CDH12: variants seen among roughly 807,000 people sequenced by gnomAD.
The protein encoded by CDH12 is cadherin 12, also known as cadherin-12.
Under a neutral mutation model 74.1 loss-of-function variants are expected in CDH12, and 41 were observed. The observed-to-expected ratio is 0.55, with a 90% CI of 0.43 to 0.72. The LOEUF (loss-of-function observed/expected upper bound fraction) is 0.72. CDH12 is among the 30% of genes least tolerant of loss of function. CDH12 has a pLI of 0.00. For missense variants in CDH12, 945 were observed against 977.2 expected (o/e 0.97, Z 0.44); for synonymous variants, 399 against 355.0 (o/e 1.12, Z -1.39).
chr5:21,871,533 G>A (rs1332722332), intron 6 of CDH12, among the ~76,000 whole-genome samples: 7 of 152,118 alleles, frequency 4.6e-5, no homozygotes, highest in African/African-American at 1.7e-4. Flanking sequence ...AAAAGTTCGC[G>A]ACCAGCCTGA....
Position 22,407,074 on chromosome 5 carries a change from T to A in CDH12, c.-427-1723A>T, listed in dbSNP as rs76830174. The stretch of plus-strand genomic sequence containing the variant: ...AATTCTGTTCTTTTTTTAGTGTTTG[T>A]CACTAGAAAAAAAATTCAATCTGAA... On this transcript the variant is annotated intron_variant, in intron 2 of 14. Coordinates refer to ENST00000382254, the MANE Select transcript of CDH12 (RefSeq NM_004061.5). Among the ~76,000 whole-genome samples, 1,076 of 152,166 alleles carry A rather than the reference T, an allele frequency of 7.1e-3. 11 individuals are homozygous for A. The highest frequency in any genetic ancestry group is 0.025 in the African/African-American group (1,024 of 41,532).
intron 1 of CDH12, among the ~76,000 whole-genome samples, chr5:22,726,380 T>C (rs1441255193): frequency 6.6e-6 from 1 of 151,810 alleles, no homozygotes; most frequent in Non-Finnish European, 1.5e-5. Context: ...GATAGCTCAT[T>C]CCTTTTTAGT....
chr5:22,390,262 T>C (rs972391967), intron 3 of CDH12, among the ~76,000 whole-genome samples: 2 of 152,148 alleles, frequency 1.3e-5, no homozygotes, highest in African/African-American at 2.4e-5. Flanking sequence ...CTTGCAATAA[T>C]AGACTTCACC....
intron 1 of CDH12, among the ~76,000 whole-genome samples, chr5:22,664,355 A>T (rs540585699): frequency 3.7e-4 from 56 of 152,274 alleles, no homozygotes; most frequent in Non-Finnish European, 6.9e-4. Context: ...AAGAAGGTGA[A>T]GGGGAAGCAA....
intron 3 of CDH12, among the ~76,000 whole-genome samples, chr5:22,265,548 T>C (rs1240623813): frequency 1.3e-5 from 2 of 152,188 alleles, no homozygotes; most frequent in Non-Finnish European, 2.9e-5. Context: ...ATTGGCCTCA[T>C]TTATGTGGCT....
chr5:21,944,611 T>C (rs1032384443), intron 6 of CDH12, among the ~76,000 whole-genome samples: 12 of 152,216 alleles, frequency 7.9e-5, no homozygotes, highest in African/African-American at 2.7e-4. Context: ...GAATAAGTAC[T>C]ATAAAAGCAA....
intron 1 of CDH12, among the ~76,000 whole-genome samples, chr5:22,806,217 C>A (rs199974657): frequency 6.6e-6 from 1 of 152,058 alleles, no homozygotes; most frequent in Non-Finnish European, 1.5e-5. Context: ...GGTTCTAGAT[C>A]CTTGAGGAAT....
chr5:21,822,248 T>C (rs1039966002), intron 8 of CDH12, among the ~76,000 whole-genome samples: 1 of 28,736 alleles, frequency 3.5e-5, no homozygotes, highest in Admixed American at 4.5e-4. Flanking sequence ...AATATTTGTA[T>C]ATAATATTTG....
At chr5:22,291,308 A>T (rs1036082278) in intron 3 of CDH12, among the ~76,000 whole-genome samples, 5 of 152,138 alleles carry the variant, frequency 3.3e-5, no homozygotes, top group African/African-American at 1.2e-4. Context: ...AAATGAAAAG[A>T]ATGCCAACTC....
At chr5:22,452,880 CA>C (rs768945480) in intron 2 of CDH12, among the ~76,000 whole-genome samples, 9,896 of 32,118 alleles carry the variant, frequency 0.31, 436 homozygotes, top group African/African-American at 0.38. Flanking sequence ...AACCTAAGAG[CA>C]AAAAAAAAAA....
At chr5:22,116,925 A>G (rs1745151915) in intron 4 of CDH12, among the ~76,000 whole-genome samples, 1 of 147,596 alleles carries the variant, frequency 6.8e-6, no homozygotes, top group South Asian at 2.1e-4. Context: ...CTGGTTTCCA[A>G]GTACCTTGAT....
intron 2 of CDH12, among the ~76,000 whole-genome samples, chr5:22,466,104 T>C (rs966622237): frequency 1.3e-5 from 2 of 152,174 alleles, no homozygotes. Flanking sequence ...ATCTTACTTT[T>C]TCTCTAACCT....
At chr5:21,791,895 A>C (rs1935989584) in intron 10 of CDH12, among the ~76,000 whole-genome samples, 1 of 151,884 alleles carries the variant, frequency 6.6e-6, no homozygotes. Flanking sequence ...CCATCAATGG[A>C]AACGCTAACT....
intron 4 of CDH12, among the ~76,000 whole-genome samples, chr5:22,092,796 T>A (rs1018071328): frequency 1.3e-5 from 2 of 152,130 alleles, no homozygotes; most frequent in African/African-American, 4.8e-5. Context: ...AAAACCTGTA[T>A]ACATAACCTC....
intron 4 of CDH12, among the ~76,000 whole-genome samples, chr5:22,090,608 C>G (rs1743359937): frequency 6.8e-6 from 1 of 147,286 alleles, no homozygotes; most frequent in Non-Finnish European, 1.5e-5. Flanking sequence ...TACATACATA[C>G]ACACACACAC....
chr5:22,108,585 G>A (rs1044142107), intron 4 of CDH12, among the ~76,000 whole-genome samples: 1 of 152,226 alleles, frequency 6.6e-6, no homozygotes, highest in African/African-American at 2.4e-5. Context: ...TGAGGCTAGT[G>A]AGCCATGACC....
At chr5:22,267,766 G>C (rs1220358293) in intron 3 of CDH12, among the ~76,000 whole-genome samples, 2 of 151,944 alleles carry the variant, frequency 1.3e-5, no homozygotes, top group African/African-American at 4.8e-5. Flanking sequence ...AGAAGTGAAG[G>C]CTTTTCCCTC....
intron 1 of CDH12, among the ~76,000 whole-genome samples, chr5:22,686,376 G>T (rs1487805691): frequency 6.6e-6 from 1 of 151,998 alleles, no homozygotes; most frequent in African/African-American, 2.4e-5. Flanking sequence ...AAATACTTTT[G>T]ATTTTGATAA....
chr5:22,218,958 A>G (rs576238648), intron 3 of CDH12, among the ~76,000 whole-genome samples: 1 of 151,890 alleles, frequency 6.6e-6, no homozygotes, highest in Admixed American at 6.6e-5. Flanking sequence ...CCATTCAATC[A>G]TATTTTAAGA....
Sources: allele counts gnomAD v4.1 joint callset (sites outside exome capture counted in the v4.1 genomes callset), GRCh38; gene constraint gnomAD v4.1.1; transcripts MANE v1.5; gene names NCBI Gene and HGNC (gene_info 2026-07-23, HGNC 2026-07-21).